The following TAFA2 variants were observed in gnomAD, a reference collection of about 807,000 sequenced individuals.
TAFA2 encodes chemokine-like protein TAFA-2.
Under a neutral mutation model 18.8 loss-of-function variants are expected in TAFA2, and 7 were observed. That is an observed-to-expected ratio of 0.37 (90% CI 0.21 to 0.70). The LOEUF (loss-of-function observed/expected upper bound fraction) is 0.70. Among genes scored for constraint, TAFA2 ranks in the 30% least tolerant of loss-of-function variants. The probability of loss-of-function intolerance (pLI) is 0.53; values close to 1 mark genes in which losing one functional copy is unlikely to be tolerated. For synonymous variants in TAFA2, 60 were observed against 54.2 expected (o/e 1.11, Z -0.47); for missense variants, 122 against 158.1 (o/e 0.77, Z 1.23).
At chr12:62,204,345 C>A (rs1461524441) in intron 1 of TAFA2, among the ~76,000 whole-genome samples, 3 of 152,046 alleles carry the variant, frequency 2.0e-5, no homozygotes, top group African/African-American at 7.3e-5. Context: ...GAGTATCTTA[C>A]TGGTGTTCTC....
At chr12:62,021,591 GAC>G in intron 1 of TAFA2, 1 of 915,062 alleles carries the variant, frequency 1.1e-6, no homozygotes. Flanking sequence ...CTGGCTGGGT[GAC>G]GGCAGGCGGT....
At chr12:61,859,424 C>G (rs895350395) in intron 2 of TAFA2, among the ~76,000 whole-genome samples, 1 of 120,296 alleles carries the variant, frequency 8.3e-6, no homozygotes, top group Non-Finnish European at 1.9e-5. Flanking sequence ...TATCACCAGA[C>G]AAAGCAATAT....
At chr12:61,870,352 A>G (rs1262035620) in intron 1 of TAFA2, among the ~76,000 whole-genome samples, 1 of 152,128 alleles carries the variant, frequency 6.6e-6, no homozygotes, top group Non-Finnish European at 1.5e-5. Context: ...TTGCCCTCCT[A>G]TGTCTGTCTT....
At chr12:61,827,407 G>A (rs1037042973) in intron 2 of TAFA2, among the ~76,000 whole-genome samples, 1 of 151,982 alleles carries the variant, frequency 6.6e-6, no homozygotes, top group African/African-American at 2.4e-5. Context: ...GAGGAAACAG[G>A]AGGTTCTCTA....
At chr12:61,885,185 G>A (rs1382043367) in intron 1 of TAFA2, among the ~76,000 whole-genome samples, 1 of 152,126 alleles carries the variant, frequency 6.6e-6, no homozygotes, top group Non-Finnish European at 1.5e-5. Flanking sequence ...CACCCAAAAG[G>A]GACAGCTTTA....
intron 1 of TAFA2, among the ~76,000 whole-genome samples, chr12:62,095,838 A>T (rs371256025): frequency 1.1e-3 from 160 of 152,228 alleles, no homozygotes; most frequent in African/African-American, 3.6e-3. Context: ...CCAGTCCTCA[A>T]GTTTGAACCA....
chr12:62,181,509 G>A (rs2062551596), intron 1 of TAFA2, among the ~76,000 whole-genome samples: 1 of 152,174 alleles, frequency 6.6e-6, no homozygotes, highest in Non-Finnish European at 1.5e-5. Context: ...AACTGAGTAA[G>A]ATTTAATAGC....
In TAFA2 at chr12:61,917,896, T is replaced by C. The variant is rs570944585; in HGVS notation, c.-1-50470A>G. Among the ~76,000 whole-genome samples, 117 of 152,292 alleles carry C rather than the reference T, an allele frequency of 7.7e-4. 2 individuals carry two copies. In the South Asian group the frequency reaches 0.012, roughly 16 times the overall value. On this transcript the variant is annotated intron_variant, in intron 1 of 4. Coordinates refer to ENST00000416284, the MANE Select transcript of TAFA2 (RefSeq NM_178539.5). ...GGTTCTGGAAACAAAGAATGAGACT[T>C]TATTCAGGAGCGCTGTGAATCTTAT...
chr12:61,925,671 A>G (rs768455594), intron 1 of TAFA2, among the ~76,000 whole-genome samples: 23 of 152,200 alleles, frequency 1.5e-4, no homozygotes, highest in Non-Finnish European at 4.4e-5. Flanking sequence ...TCTGAAATTG[A>G]CACCAGAATC....
At chr12:61,857,016 G>A (rs920813148) in intron 2 of TAFA2, among the ~76,000 whole-genome samples, 1 of 151,714 alleles carries the variant, frequency 6.6e-6, no homozygotes, top group Non-Finnish European at 1.5e-5. Context: ...TGGTGTATGT[G>A]TAGTAGAATT....
At chr12:62,243,210 G>C (rs73319546) in intron 1 of TAFA2, among the ~76,000 whole-genome samples, 1 of 151,938 alleles carries the variant, frequency 6.6e-6, no homozygotes, top group Non-Finnish European at 1.5e-5. Context: ...TTTTTATATT[G>C]AGACAATGTT....
chr12:62,134,085 C>T (rs1592356930), intron 1 of TAFA2, among the ~76,000 whole-genome samples: 1 of 151,900 alleles, frequency 6.6e-6, no homozygotes, highest in East Asian at 1.9e-4. Context: ...CTGCTTAGGA[C>T]ACTCTTTCTC....
chr12:62,170,374 C>T (rs137869803), intron 1 of TAFA2, among the ~76,000 whole-genome samples: 3 of 152,276 alleles, frequency 2.0e-5, no homozygotes, highest in East Asian at 1.9e-4. Context: ...ATATGGCTAG[C>T]GTCAAGGTGC....
intron 1 of TAFA2, among the ~76,000 whole-genome samples, chr12:61,991,432 T>C (rs1880007078): frequency 6.6e-6 from 1 of 152,222 alleles, no homozygotes. Flanking sequence ...TTTTATGTCA[T>C]TCCTTATTCA....
intron 1 of TAFA2, among the ~76,000 whole-genome samples, chr12:61,926,161 G>C (rs1877281714): frequency 6.6e-6 from 1 of 152,026 alleles, no homozygotes; most frequent in Admixed American, 6.6e-5. Flanking sequence ...TCAAATCCCT[G>C]AATAGACCAA....
intron 1 of TAFA2, among the ~76,000 whole-genome samples, chr12:62,153,123 G>T (rs1429744217): frequency 6.6e-6 from 1 of 152,096 alleles, no homozygotes; most frequent in Non-Finnish European, 1.5e-5. Flanking sequence ...AAAGCAGAAG[G>T]TCCAGCTATG....
chr12:62,072,260 C>A (rs1030993661), intron 1 of TAFA2, among the ~76,000 whole-genome samples: 1 of 151,442 alleles, frequency 6.6e-6, no homozygotes, highest in Non-Finnish European at 1.5e-5. Context: ...GTCAGGAGAT[C>A]GAGACCACCC....
At chr12:62,173,913 G>A (rs2062495153) in intron 1 of TAFA2, among the ~76,000 whole-genome samples, 1 of 152,172 alleles carries the variant, frequency 6.6e-6, no homozygotes, top group African/African-American at 2.4e-5. Context: ...TGGAAAATCA[G>A]ACCAAAAGGT....
At chr12:61,901,930 T>G (rs896848352) in intron 1 of TAFA2, among the ~76,000 whole-genome samples, 3 of 152,140 alleles carry the variant, frequency 2.0e-5, no homozygotes, top group Non-Finnish European at 4.4e-5. Context: ...TTCTTATTCA[T>G]TGCACATGAC....
Sources: gnomAD v4.1 joint callset for allele counts (sites outside exome capture counted in the v4.1 genomes callset) on GRCh38, gnomAD v4.1.1 for gene constraint, MANE v1.5 for transcripts, NCBI Gene and HGNC (gene_info 2026-07-23, HGNC 2026-07-21) for gene names.